The following TMEM196 variants were observed in gnomAD, a reference collection of about 807,000 sequenced individuals.
TMEM196 encodes transmembrane protein 196.
A neutral mutation model predicts 20.0 loss-of-function variants in TMEM196; 17 were observed. That is an observed-to-expected ratio of 0.85 (90% CI 0.58 to 1.27). TMEM196 has a LOEUF of 1.27. Among genes scored for constraint, TMEM196 ranks in the 50% most tolerant of loss-of-function variants. The pLI, the probability that TMEM196 is intolerant of heterozygous loss-of-function variation, is 0.00. For missense variants in TMEM196, 267 were observed against 223.0 expected, an observed-to-expected ratio of 1.20 and a Z score of -1.26; for synonymous variants, 113 against 88.9, an observed-to-expected ratio of 1.27 and a Z score of -1.52.
rs954803801 is a variant in TMEM196 at position 19,721,937 on chromosome 7, T to C, written c.*191A>G. On this transcript the variant is annotated 3_prime_UTR_variant, in exon 5 of 5. Coordinates refer to ENST00000405844, the MANE Select transcript of TMEM196 (RefSeq NM_001363562.2). ...GGGTGGAGAAACCAGTGAGGCAATA[T>C]ATTTTTTAGGAAGAATAATTTTAGT... 3 of 737,404 alleles carry C rather than the reference T, an allele frequency of 4.1e-6. No individual in the cohort carries two copies. The highest frequency in any genetic ancestry group is 6.5e-6 in the Non-Finnish European group (3 of 463,370). 45.7% of individuals were successfully genotyped at this position (737,404 alleles called of 1,614,324 possible). A position where few individuals can be genotyped will look rare whatever the true frequency, so the allele number is the denominator to read the frequency against.
At chr7:19,765,057 T>C (rs1300745689) in intron 1 of TMEM196, among the ~76,000 whole-genome samples, 1 of 152,168 alleles carries the variant, frequency 6.6e-6, no homozygotes, top group African/African-American at 2.4e-5. Context: ...CTTAAATAAG[T>C]AAGTTCCTTT....
intron 1 of TMEM196, among the ~76,000 whole-genome samples, chr7:19,732,268 C>T (rs1055245804): frequency 4.6e-5 from 7 of 152,114 alleles, no homozygotes; most frequent in Admixed American, 2.0e-4. Context: ...TATTAAGTGT[C>T]TAAATTAATT....
intron 2 of TMEM196, among the ~76,000 whole-genome samples, chr7:19,728,960 T>C (rs1015291908): frequency 1.3e-5 from 2 of 152,218 alleles, no homozygotes; most frequent in African/African-American, 4.8e-5. Context: ...TTCGCAAAAC[T>C]TGCTTCACAG....
intron 1 of TMEM196, among the ~76,000 whole-genome samples, chr7:19,745,683 C>A (rs1017749418): frequency 6.7e-6 from 1 of 148,640 alleles, no homozygotes; most frequent in Non-Finnish European, 1.5e-5. Flanking sequence ...GAATCTTCTT[C>A]CTGGTGCATA....
intron 1 of TMEM196, among the ~76,000 whole-genome samples, chr7:19,739,731 A>C (rs1267240377): frequency 2.6e-5 from 4 of 152,178 alleles, no homozygotes; most frequent in African/African-American, 9.6e-5. Flanking sequence ...AATGACTTCT[A>C]AACATAAATA....
intron 1 of TMEM196, among the ~76,000 whole-genome samples, chr7:19,747,171 C>T (rs1352321476): frequency 6.6e-6 from 1 of 150,692 alleles, no homozygotes; most frequent in African/African-American, 2.4e-5. Context: ...AGGAGAATGG[C>T]GTGAACCCGG....
intron 1 of TMEM196, among the ~76,000 whole-genome samples, chr7:19,729,787 C>G (rs376459090): frequency 2.6e-5 from 4 of 152,268 alleles, no homozygotes; most frequent in African/African-American, 9.6e-5. Context: ...TTCATTCACA[C>G]TTAACAACTA....
intron 1 of TMEM196, among the ~76,000 whole-genome samples, chr7:19,750,623 A>G (rs919127523): frequency 1.3e-5 from 2 of 152,144 alleles, no homozygotes; most frequent in African/African-American, 4.8e-5. Flanking sequence ...ACTCCCAAAT[A>G]GGACAACAGA....
chr7:19,740,216 C>T (rs1196379741), intron 1 of TMEM196, among the ~76,000 whole-genome samples: 2 of 152,068 alleles, frequency 1.3e-5, no homozygotes, highest in Non-Finnish European at 2.9e-5. Flanking sequence ...AGTTCTCCAA[C>T]ACATATAGTT....
intron 4 of TMEM196, among the ~76,000 whole-genome samples, chr7:19,722,877 T>G (rs1054884428): frequency 6.6e-6 from 1 of 152,112 alleles, no homozygotes; most frequent in African/African-American, 2.4e-5. Flanking sequence ...ATTAAACCCT[T>G]CCCAACACAA....
intron 4 of TMEM196, 36 bp from the exon 5 acceptor site, chr7:19,722,170 T>A (rs757986170): frequency 1.9e-6 from 3 of 1,566,914 alleles, no homozygotes; most frequent in Admixed American, 1.8e-5. Context: ...TAAAATTCGC[T>A]TTTGGAGTAA....
chr7:19,725,410 T>C, intron 3 of TMEM196, 104 bp downstream of exon 3: 3 of 1,420,244 alleles, frequency 2.1e-6, no homozygotes, highest in Non-Finnish European at 2.8e-6. Context: ...ATGTATAAAA[T>C]CTGATTCCTC....
At position 19,767,518 on chromosome 7, in the gene TMEM196, T is replaced by A. The variant is rs537120385; in HGVS notation, c.147+5032A>T. ...GGTTTATATGCCCAGAACAAAACTA[T>A]TTTTTCTACATGGCGAAATGTCTGT... is the stretch of plus-strand genomic sequence containing the variant. On this transcript the variant is annotated intron_variant, in intron 1 of 4. Coordinates refer to ENST00000405844, the MANE Select transcript of TMEM196 (RefSeq NM_001363562.2). 9.2e-5 allele frequency among the ~76,000 whole-genome samples: 14 copies of A among 152,130 alleles called. No homozygotes were observed. The East Asian group carries it at 2.7e-3, about 29-fold the overall frequency.
intron 1 of TMEM196, among the ~76,000 whole-genome samples, chr7:19,756,956 T>C (rs1262363303): frequency 6.6e-6 from 1 of 152,134 alleles, no homozygotes; most frequent in Non-Finnish European, 1.5e-5. Flanking sequence ...ATGTGGCTAT[T>C]GGCTACTACA....
Position 19,736,353 on chromosome 7 carries a change from CTATATATATA to C in TMEM196, c.148-6925_148-6916del, listed in dbSNP as rs71017071. Among the ~76,000 whole-genome samples the C allele has an allele frequency of 7.7e-3, 292 of 37,930 alleles. 5 individuals carry two copies. Among genetic ancestry groups the C allele is most frequent in the Middle Eastern group, 0.013 (1 of 78 alleles). The allele number at this position is 37,930 out of a possible 152,430, so 24.9% of individuals were successfully genotyped here. A position where few individuals can be genotyped will look rare whatever the true frequency, so the allele number is the denominator to read the frequency against. ...GATCCCACTTTTCTAGTGGTTCCTA[CTATATATATA>C]TATATATATATATATATATATATAT... On this transcript the variant is annotated intron_variant, in intron 1 of 4. Coordinates refer to ENST00000405844, the MANE Select transcript of TMEM196 (RefSeq NM_001363562.2).
At chr7:19,738,562 G>A (rs936131062) in intron 1 of TMEM196, among the ~76,000 whole-genome samples, 1 of 151,994 alleles carries the variant, frequency 6.6e-6, no homozygotes, top group Non-Finnish European at 1.5e-5. Flanking sequence ...TGGAGAAATG[G>A]CTGAATTTTG....
intron 4 of TMEM196, among the ~76,000 whole-genome samples, chr7:19,723,357 G>C (rs934637547): frequency 2.6e-5 from 4 of 151,584 alleles, no homozygotes; most frequent in African/African-American, 9.7e-5. Context: ...ACATAAACCC[G>C]TTAGGTGCCT....
chr7:19,770,120 A>G (rs1238570981), intron 1 of TMEM196, among the ~76,000 whole-genome samples: 1 of 152,202 alleles, frequency 6.6e-6, no homozygotes, highest in Non-Finnish European at 1.5e-5. Flanking sequence ...TAAACTTCCA[A>G]GATCAAGAAT....
intron 1 of TMEM196, among the ~76,000 whole-genome samples, chr7:19,747,275 T>A (rs1208681827): frequency 6.5e-5 from 7 of 107,160 alleles, no homozygotes; most frequent in Admixed American, 1.7e-4. Flanking sequence ...ATAAATAAAA[T>A]AAAATAAAAA....
Sources: gnomAD v4.1 joint callset for allele counts (sites outside exome capture counted in the v4.1 genomes callset) on GRCh38, gnomAD v4.1.1 for gene constraint, MANE v1.5 for transcripts, NCBI Gene and HGNC (gene_info 2026-07-23, HGNC 2026-07-21) for gene names.